Variants in DNAH9 observed in about 807,000 individuals in gnomAD.
DNAH9 encodes DNAH9 variant protein.
A neutral mutation model predicts 471.6 loss-of-function variants in DNAH9; 345 were observed. The ratio of observed to expected loss-of-function variants is 0.73; its 90% CI spans 0.67 to 0.80. The LOEUF is 0.80. Ranked by LOEUF, DNAH9 falls within the 30% of genes least tolerant of loss-of-function variation. The pLI is 0.00. For missense variants in DNAH9, 5,407 were observed against 5,609.2 expected, an observed-to-expected ratio of 0.96 and a Z score of 1.15; for synonymous variants, 2,093 against 2,123.6, an observed-to-expected ratio of 0.99 and a Z score of 0.40.
chr17:11,869,389 G>A, intron 51 of DNAH9, 136 bp downstream of exon 51: 1 of 1,278,704 alleles, frequency 7.8e-7, no homozygotes, highest in Non-Finnish European at 1.1e-6. Context: ...CTGAAATGCA[G>A]GAATTGAGTC....
At position 11,752,964 on chromosome 17, in the gene DNAH9, T is replaced by C. The variant is rs746794178; in HGVS notation, c.6738+4T>C. 6.3e-7 allele frequency: 1 copy of C among 1,585,228 alleles called. No individual in the cohort carries two copies. The highest frequency in any genetic ancestry group is 8.6e-7 in the Non-Finnish European group (1 of 1,166,638). ...TACTGTCATGGATGATAACAAGGTA[T>C]GAAATTGGGGGATATCCCTAGATCA... On this transcript the variant is annotated splice_donor_region_variant and intron_variant, in intron 33 of 68. Coordinates refer to ENST00000262442, the MANE Select transcript of DNAH9 (RefSeq NM_001372.4).
At chr17:11,775,595 CTTTTTTTTTTTTTT>C (rs71142246) in intron 38 of DNAH9, among the ~76,000 whole-genome samples, 1 of 61,014 alleles carries the variant, frequency 1.6e-5, no homozygotes, top group Non-Finnish European at 3.0e-5. Context: ...ATCAGATGTT[CTTTTTTTTTTTTTT>C]TTTTTTTTTT....
At chr17:11,859,854 C>A (rs1250844788) in intron 50 of DNAH9, among the ~76,000 whole-genome samples, 1 of 152,174 alleles carries the variant, frequency 6.6e-6, no homozygotes, top group Non-Finnish European at 1.5e-5. Flanking sequence ...CCCCCATGAT[C>A]CAATCACCTC....
At chr17:11,734,663 C>A (rs1023645350) in intron 28 of DNAH9, among the ~76,000 whole-genome samples, 4 of 152,188 alleles carry the variant, frequency 2.6e-5, no homozygotes, top group Non-Finnish European at 4.4e-5. Flanking sequence ...GAACCTCTGG[C>A]CTTTTCCAGG....
At position 11,843,863 on chromosome 17, in the gene DNAH9, G is replaced by GTGTGTGTATATATATATATATA. The variant is rs1253794533; in HGVS notation, c.9507+8966_9507+8967insGTGTGTATATATATATATATAT. ...TGTTTGTGTGTGTGTGTGTGTGTGT[G>GTGTGTGTATATATATATATATA]TATATATATATATATATATATATAT... On this transcript the variant is annotated intron_variant, in intron 49 of 68. Coordinates refer to ENST00000262442, the MANE Select transcript of DNAH9 (RefSeq NM_001372.4). Among the ~76,000 whole-genome samples, 262 of 46,412 alleles carry GTGTGTGTATATATATATATATA rather than the reference G, an allele frequency of 5.6e-3. 4 individuals carry two copies. The highest frequency in any genetic ancestry group is 0.015 in the African/African-American group (180 of 12,340). The allele number at this position is 46,412 out of a possible 152,430, so 30.4% of individuals were successfully genotyped here.
In DNAH9 at chr17:11,757,652, G is replaced by A. The variant is rs1252430940; in HGVS notation, c.6955G>A (p.Asp2319Asn). 10 of 1,613,968 alleles carry A rather than the reference G, an allele frequency of 6.2e-6. No individual in the cohort carries two copies. Among genetic ancestry groups the A allele is most frequent in the Admixed American group, 5.0e-5 (3 of 59,984 alleles). Residue 2319 changes from aspartate (D) to asparagine (N), a missense_variant, in exon 35 of 69, where the codon GAC (aspartate) becomes AAC (asparagine). Coordinates refer to ENST00000262442, the MANE Select transcript of DNAH9 (RefSeq NM_001372.4). ...TERANLTILF[D>N]KYLPTCLDTL... ...GAGAGCCAACTTAACCATTTTGTTC[G>A]ACAAGTATCTTCCAACCTGCCTAGA...
intron 22 of DNAH9, 150 bp from the exon 23 acceptor site, chr17:11,699,581 C>T (rs1451444880): frequency 3.0e-6 from 2 of 663,852 alleles, no homozygotes; most frequent in Non-Finnish European, 5.3e-6. Context: ...GTCCTCACAT[C>T]AGCATTGTTC....
chr17:11,834,826 C>T lies in DNAH9; in HGVS notation c.9435C>T (p.Asp3145=), dbSNP rs1350754417. The part of the protein sequence containing the change: ...IMLEVKQKQK[D]CEEDLAKAEP... Reference sequence around the variant, plus strand: ...TAGAGGTGAAACAGAAGCAGAAGGACTGTGAGGAGGACCTGGCAAAGGCTG... The same window carrying T: ...TAGAGGTGAAACAGAAGCAGAAGGATTGTGAGGAGGACCTGGCAAAGGCTG... Residue 3145 remains aspartate (D), a synonymous_variant, in exon 49 of 69, where the codon GAC becomes GAT. Coordinates refer to ENST00000262442, the MANE Select transcript of DNAH9 (RefSeq NM_001372.4). The T allele has an allele frequency of 1.9e-6, 3 of 1,614,092 alleles. No individual in the cohort carries two copies. Among genetic ancestry groups the T allele is most frequent in the Non-Finnish European group, 2.5e-6 (3 of 1,180,028 alleles).
At chr17:11,873,065 T>G (rs1227596724) in intron 52 of DNAH9, among the ~76,000 whole-genome samples, 1 of 152,224 alleles carries the variant, frequency 6.6e-6, no homozygotes, top group African/African-American at 2.4e-5. Context: ...TTTTCTCAGA[T>G]CAGCTCATAA....
At chr17:11,792,442 A>G (rs971868105) in intron 41 of DNAH9, among the ~76,000 whole-genome samples, 2 of 152,242 alleles carry the variant, frequency 1.3e-5, no homozygotes, top group Admixed American at 1.3e-4. Context: ...AAGCACAGAC[A>G]TAGATGAGCT....
intron 40 of DNAH9, 81 bp downstream of exon 40, chr17:11,783,829 G>A: frequency 8.4e-7 from 1 of 1,196,588 alleles, no homozygotes; most frequent in Non-Finnish European, 1.2e-6. Context: ...ATAATAATTG[G>A]CCTTTTTCCC....
At chr17:11,725,913 A>G (rs2075143316) in intron 27 of DNAH9, among the ~76,000 whole-genome samples, 1 of 152,156 alleles carries the variant, frequency 6.6e-6, no homozygotes, top group African/African-American at 2.4e-5. Flanking sequence ...TGTCCAACCT[A>G]GCCTATGTGG....
At chr17:11,766,539 A>T (rs943231855) in intron 36 of DNAH9, among the ~76,000 whole-genome samples, 2 of 152,334 alleles carry the variant, frequency 1.3e-5, no homozygotes, top group Middle Eastern at 6.8e-3. Context: ...CAGCTCTACC[A>T]CAGTATGCCA....
chr17:11,599,016 T>C (rs1597602714), intron 1 of DNAH9, 101 bp downstream of exon 1: 1 of 965,492 alleles, frequency 1.0e-6, no homozygotes, highest in Non-Finnish European at 1.4e-6. Flanking sequence ...GGGGCGAAGC[T>C]GCAGGGGAGG....
chr17:11,962,408 G>C lies in DNAH9; in HGVS notation c.13233+152G>C. The C allele has an allele frequency of 7.6e-7, 1 of 1,311,356 alleles. No homozygotes were observed. Among genetic ancestry groups the C allele is most frequent in the Non-Finnish European group, 1.0e-6 (1 of 991,210 alleles). The allele number at this position is 1,311,356 out of a possible 1,614,324, so 81.2% of individuals were successfully genotyped here. ...GAGGCCATCAGGCCATTTTTATTTA[G>C]CCAGGGGTGGTGCAAAGAGCGTAAG... On this transcript the variant is annotated intron_variant, in intron 68 of 68. Transcript: ENST00000262442. The surrounding 1 kb of genome is among the most constrained non-coding windows in gnomAD (Gnocchi z 4.1).
At chr17:11,794,867 C>T (rs1053491382) in intron 42 of DNAH9, among the ~76,000 whole-genome samples, 8 of 144,588 alleles carry the variant, frequency 5.5e-5, no homozygotes, top group Non-Finnish European at 1.0e-4. Context: ...GGATTTAAGG[C>T]ATTAACGTTC....
chr17:11,636,390 T>C (rs936057737), intron 8 of DNAH9, among the ~76,000 whole-genome samples: 1 of 152,208 alleles, frequency 6.6e-6, no homozygotes, highest in African/African-American at 2.4e-5. Flanking sequence ...CAGATTCTTA[T>C]GCCAAGTAGA....
intron 19 of DNAH9, among the ~76,000 whole-genome samples, chr17:11,686,907 A>G (rs2074251509): frequency 6.6e-6 from 1 of 152,246 alleles, no homozygotes. Context: ...TTTAACTAAC[A>G]TCAAGAGGTT....
intron 28 of DNAH9, among the ~76,000 whole-genome samples, chr17:11,737,806 C>T (rs907469344): frequency 6.6e-6 from 1 of 152,164 alleles, no homozygotes; most frequent in Non-Finnish European, 1.5e-5. Context: ...CCCAGCCTAC[C>T]TTTGCTCCAT....
Sources: allele counts gnomAD v4.1 joint callset (sites outside exome capture counted in the v4.1 genomes callset), GRCh38; gene constraint gnomAD v4.1.1; non-coding constraint Gnocchi (gnomAD v3.1); transcripts MANE v1.5; gene names NCBI Gene and HGNC (gene_info 2026-07-23, HGNC 2026-07-21).